GRID2: variants seen among roughly 807,000 people sequenced by gnomAD.
GRID2 encodes glutamate receptor ionotropic, delta-2.
Under a neutral mutation model 114.8 loss-of-function variants are expected in GRID2, and 33 were observed. The ratio of observed to expected loss-of-function variants is 0.29; its 90% CI spans 0.22 to 0.38. GRID2 has a LOEUF of 0.38. Among genes scored for constraint, GRID2 ranks in the 10% least tolerant of loss-of-function variants. The pLI is 1.00. For missense variants in GRID2, 1,184 were observed against 1,257.7 expected (o/e 0.94, Z 0.89); for synonymous variants, 505 against 449.9 (o/e 1.12, Z -1.55).
chr4:93,581,437 C>T (rs371533713), intron 13 of GRID2, among the ~76,000 whole-genome samples: 2 of 152,026 alleles, frequency 1.3e-5, no homozygotes, highest in African/African-American at 2.4e-5. Context: ...CATTTATATC[C>T]GTAAATATGT....
chr4:93,200,851 T>C (rs1742029382), intron 4 of GRID2, among the ~76,000 whole-genome samples: 1 of 152,224 alleles, frequency 6.6e-6, no homozygotes, highest in South Asian at 2.1e-4. Flanking sequence ...AAATGGTTTC[T>C]GTGGTCAAAT....
intron 9 of GRID2, among the ~76,000 whole-genome samples, chr4:93,395,913 A>G (rs1479360426): frequency 6.6e-6 from 1 of 151,926 alleles, no homozygotes; most frequent in Non-Finnish European, 1.5e-5. Flanking sequence ...ACTACAGTGT[A>G]TGTGTTAGGA....
intron 12 of GRID2, among the ~76,000 whole-genome samples, chr4:93,513,464 C>A (rs1180038900): frequency 6.6e-6 from 1 of 152,160 alleles, no homozygotes; most frequent in Non-Finnish European, 1.5e-5. Flanking sequence ...TGTCCACTCA[C>A]TTTGTTATTC....
At chr4:93,591,813 A>G (rs995481880) in intron 13 of GRID2, among the ~76,000 whole-genome samples, 37 of 152,196 alleles carry the variant, frequency 2.4e-4, no homozygotes, top group African/African-American at 7.7e-4. Flanking sequence ...GAATTTATCC[A>G]TTTCTTCTAG....
At chr4:92,647,560 G>C (rs993974940) in intron 2 of GRID2, among the ~76,000 whole-genome samples, 1 of 149,084 alleles carries the variant, frequency 6.7e-6, no homozygotes, top group Non-Finnish European at 1.5e-5. Flanking sequence ...CTCCATAATG[G>C]TTTCTCATTA....
At chr4:92,664,985 TC>T (rs1283989088) in intron 2 of GRID2, among the ~76,000 whole-genome samples, 1 of 148,524 alleles carries the variant, frequency 6.7e-6, no homozygotes, top group Non-Finnish European at 1.5e-5. Flanking sequence ...ACTCTGCCAT[TC>T]TTTTTTTTTT....
At chr4:92,984,154 T>C (rs1754373873) in intron 2 of GRID2, among the ~76,000 whole-genome samples, 1 of 152,226 alleles carries the variant, frequency 6.6e-6, no homozygotes, top group African/African-American at 2.4e-5. Context: ...GTTTACATGA[T>C]ATATAAAAAC....
At chr4:92,362,092 T>A (rs1728644976) in intron 1 of GRID2, among the ~76,000 whole-genome samples, 1 of 151,996 alleles carries the variant, frequency 6.6e-6, no homozygotes, top group Non-Finnish European at 1.5e-5. Flanking sequence ...TCAGACTGGT[T>A]TATTGGCATG....
chr4:92,975,216 C>T lies in GRID2; in HGVS notation c.245-109779C>T, dbSNP rs141801933. ...ATCTAGCTTATTATTTATATATGTG[C>T]ATATATATAATATGTTGAGCAAGTA... is the stretch of plus-strand genomic sequence containing the variant. On this transcript the variant is annotated intron_variant, in intron 2 of 15. Coordinates refer to ENST00000282020, the MANE Select transcript of GRID2 (RefSeq NM_001510.4). Among the ~76,000 whole-genome samples the T allele has an allele frequency of 2.6e-4, 37 of 141,122 alleles. 1 individual carries two copies. The East Asian group carries it at 7.5e-3, about 29-fold the overall frequency. The allele number at this position is 141,122 out of a possible 152,430, so 92.6% of individuals were successfully genotyped here.
chr4:93,463,367 T>C (rs577967553), intron 11 of GRID2, among the ~76,000 whole-genome samples: 6 of 152,312 alleles, frequency 3.9e-5, no homozygotes, highest in South Asian at 2.1e-4. Context: ...ATGAACTATA[T>C]GCATACTATA....
chr4:93,224,543 A>C lies in GRID2; in HGVS notation c.964-71A>C. 4.2e-6 allele frequency: 4 copies of C among 960,292 alleles called. No homozygotes were observed. In the South Asian group the frequency reaches 5.6e-5, roughly 13 times the overall value. 59.5% of individuals were successfully genotyped at this position (960,292 alleles called of 1,614,324 possible). ...GACATGAACAGAAGCAGTTGAGACAATTATTTTTTTTCCTTATTCCTGATG... is the reference window on the plus strand; with the variant it reads ...GACATGAACAGAAGCAGTTGAGACACTTATTTTTTTTCCTTATTCCTGATG... On this transcript the variant is annotated intron_variant, in intron 6 of 15. Coordinates refer to ENST00000282020, the MANE Select transcript of GRID2 (RefSeq NM_001510.4).
intron 1 of GRID2, among the ~76,000 whole-genome samples, chr4:93,780,348 A>G (rs1044219128): frequency 3.9e-5 from 6 of 152,226 alleles, no homozygotes; most frequent in African/African-American, 1.4e-4. Flanking sequence ...TGTCCTGGGC[A>G]TGTCTAAAGA....
At chr4:92,455,282 T>TGCCG (rs1721149861) in intron 1 of GRID2, among the ~76,000 whole-genome samples, 1 of 152,182 alleles carries the variant, frequency 6.6e-6, no homozygotes, top group Non-Finnish European at 1.5e-5. Context: ...AGTTACTAAG[T>TGCCG]GCCGGGTGGA....
In GRID2 at chr4:92,945,593, G is replaced by A. The variant is rs557523252; in HGVS notation, c.245-139402G>A. On this transcript the variant is annotated intron_variant, in intron 2 of 15. Coordinates refer to ENST00000282020, the MANE Select transcript of GRID2 (RefSeq NM_001510.4). ...CTTCGTTTTCTCTATTCCAGTGAAC[G>A]AAGTACCAGTGATGGTCACTGGGGA... is the stretch of plus-strand genomic sequence containing the variant. Among the ~76,000 whole-genome samples the A allele has an allele frequency of 8.9e-4, 136 of 152,262 alleles. 1 individual carries two copies. The highest frequency in any genetic ancestry group is 3.0e-3 in the African/African-American group (126 of 41,560).
intron 11 of GRID2, among the ~76,000 whole-genome samples, chr4:93,461,326 G>A (rs960009803): frequency 1.3e-5 from 2 of 152,002 alleles, no homozygotes; most frequent in Admixed American, 1.3e-4. Context: ...AATAAATGAA[G>A]AAAAGGCTTA....
chr4:93,393,136 C>G (rs1765010192), intron 8 of GRID2, among the ~76,000 whole-genome samples: 1 of 151,978 alleles, frequency 6.6e-6, no homozygotes, highest in South Asian at 2.1e-4. Context: ...TCCAGATAAT[C>G]TGTATCCTAA....
At chr4:93,737,570 A>T (rs187955473) in intron 14 of GRID2, among the ~76,000 whole-genome samples, 3 of 152,172 alleles carry the variant, frequency 2.0e-5, no homozygotes, top group African/African-American at 4.8e-5. Context: ...ATAAAAAATT[A>T]AAAAATAAAA....
Position 93,501,251 on chromosome 4 carries a change from G to A in GRID2, c.1997+10474G>A, listed in dbSNP as rs139531822. On this transcript the variant is annotated intron_variant, in intron 12 of 15. Coordinates refer to ENST00000282020, the MANE Select transcript of GRID2 (RefSeq NM_001510.4). ...CAGGATAAGAGAGGAAACCCAAAAT[G>A]GTATGCTCTCTAAGTATCCTTTGTG... Among the ~76,000 whole-genome samples the A allele has an allele frequency of 4.9e-3, 748 of 152,086 alleles. 7 individuals carry two copies. The highest frequency in any genetic ancestry group is 0.012 in the Admixed American group (181 of 15,236).
intron 14 of GRID2, among the ~76,000 whole-genome samples, chr4:93,644,694 A>G (rs1384574609): frequency 6.6e-6 from 1 of 152,170 alleles, no homozygotes; most frequent in Non-Finnish European, 1.5e-5. Flanking sequence ...CAAACAAATT[A>G]CTTCTTAACC....
Sources: gnomAD v4.1 joint callset for allele counts (sites outside exome capture counted in the v4.1 genomes callset) on GRCh38, gnomAD v4.1.1 for gene constraint, MANE v1.5 for transcripts, NCBI Gene and HGNC (gene_info 2026-07-23, HGNC 2026-07-21) for gene names.